The following ZFY variants were observed in gnomAD, a reference collection of about 807,000 sequenced individuals.
The protein encoded by ZFY is zinc finger protein Y-linked, also known as zinc finger Y-chromosomal protein.
For synonymous variants in ZFY, 47 were observed against 55.8 expected (o/e 0.84, Z 0.71); for missense variants, 113 against 170.9 (o/e 0.66, Z 1.89).
At chrY:2,974,078 ATAT>A (rs2051357207) in intron 3 of ZFY, among the ~76,000 whole-genome samples, 1 of 31,504 alleles carries the variant, frequency 3.2e-5, no homozygotes, top group African/African-American at 1.3e-4. Context: ...ATTAGAACTC[ATAT>A]ATATGTTTTG....
In ZFY at chrY:2,957,564, A is replaced by AT. The variant is rs2051296585; in HGVS notation, c.62-3500dup. 2.6e-4 allele frequency among the ~76,000 whole-genome samples: 8 copies of AT among 31,219 alleles called. No individual in the cohort carries two copies. In the East Asian group the frequency reaches 4.9e-3, roughly 19 times the overall value. The allele number at this position is 31,219 out of a possible 37,273, so 83.8% of individuals were successfully genotyped here. ...CTAAGCTTTTCATTCTGTAAAAATA[A>AT]TTTTTTTTTTCATTTTCCTAAGAGC... On this transcript the variant is annotated intron_variant, in intron 2 of 7. Transcript: ENST00000155093.
chrY:2,963,499 G>T, intron 3 of ZFY, among the ~76,000 whole-genome samples: 2 of 33,448 alleles, frequency 6.0e-5, no homozygotes, highest in African/African-American at 2.3e-4. Context: ...TCAAACCTGT[G>T]CATATTTGGT....
intron 3 of ZFY, among the ~76,000 whole-genome samples, chrY:2,962,391 G>T: frequency 4.8e-4 from 16 of 33,429 alleles, no homozygotes; most frequent in Admixed American, 4.4e-3. Flanking sequence ...CGTTAATATG[G>T]TTACAACTTA....
chrY:2,947,600 A>G (rs2051266104), intron 1 of ZFY, among the ~76,000 whole-genome samples: 1 of 33,512 alleles, frequency 3.0e-5, no homozygotes, highest in Non-Finnish European at 7.4e-5. Context: ...CCAGTTTTTT[A>G]TACATATATT....
At chrY:2,957,304 A>G (rs2051296017) in intron 2 of ZFY, among the ~76,000 whole-genome samples, 1 of 31,862 alleles carries the variant, frequency 3.1e-5, no homozygotes, top group Non-Finnish European at 7.6e-5. Context: ...GAGTAGCTGG[A>G]ACTACAGGCA....
intron 1 of ZFY, among the ~76,000 whole-genome samples, chrY:2,950,646 G>A (rs950822023): frequency 1.5e-4 from 5 of 33,689 alleles, no homozygotes; most frequent in African/African-American, 5.8e-4. Context: ...AGTTTTCGCC[G>A]TGATAAAATA....
At chrY:2,944,621 A>G (rs2051255893) in intron 1 of ZFY, among the ~76,000 whole-genome samples, 3 of 31,038 alleles carry the variant, frequency 9.7e-5, no homozygotes, top group Non-Finnish European at 2.3e-4. Context: ...TGTTAAACTC[A>G]CGTAATGAGG....
chrY:2,944,114 A>G (rs1040040104), intron 1 of ZFY, among the ~76,000 whole-genome samples: 5 of 33,669 alleles, frequency 1.5e-4, no homozygotes, highest in Non-Finnish European at 2.9e-4. Context: ...TTAGTGGTAT[A>G]TAAAGGCTCA....
chrY:2,956,145 T>G, intron 2 of ZFY, among the ~76,000 whole-genome samples: 1 of 32,372 alleles, frequency 3.1e-5, no homozygotes, highest in African/African-American at 1.2e-4. Context: ...AATCTTTTGT[T>G]TTTTCTGAGG....
intron 1 of ZFY, among the ~76,000 whole-genome samples, chrY:2,943,550 G>C: frequency 3.0e-5 from 1 of 33,851 alleles, no homozygotes; most frequent in Admixed American, 2.7e-4. Flanking sequence ...CCTCTCAAAG[G>C]CTCAGCCGGG....
At chrY:2,966,219 T>C (rs2051327214) in intron 3 of ZFY, among the ~76,000 whole-genome samples, 2 of 33,298 alleles carry the variant, frequency 6.0e-5, no homozygotes, top group African/African-American at 2.3e-4. Flanking sequence ...TATAAATCAG[T>C]TATATTACAT....
At chrY:2,968,209 AC>A (rs1201409383) in intron 3 of ZFY, among the ~76,000 whole-genome samples, 1 of 33,524 alleles carries the variant, frequency 3.0e-5, no homozygotes. Context: ...ATTGGAGTAA[AC>A]ATTTATACAA....
intron 3 of ZFY, among the ~76,000 whole-genome samples, chrY:2,962,836 G>A (rs2051315479): frequency 6.1e-5 from 2 of 33,003 alleles, no homozygotes; most frequent in Non-Finnish European, 1.5e-4. Context: ...ATAACCTGGT[G>A]TGCCCAAAAA....
chrY:2,936,003 C>T, intron 1 of ZFY, among the ~76,000 whole-genome samples: 1 of 34,631 alleles, frequency 2.9e-5, no homozygotes, highest in African/African-American at 1.1e-4. Context: ...GCGCAGCCTC[C>T]GGCGCGACGG....
At chrY:2,938,416 A>G (rs756150171) in intron 1 of ZFY, among the ~76,000 whole-genome samples, 13 of 29,398 alleles carry the variant, frequency 4.4e-4, no homozygotes, top group African/African-American at 1.5e-3. Flanking sequence ...TGTAAAGAAG[A>G]TAGAACTGTA....
intron 5 of ZFY, 24 bp downstream of exon 5, chrY:2,975,678 T>G (rs747355097): frequency 2.7e-6 from 1 of 370,135 alleles, no homozygotes; most frequent in South Asian, 3.2e-5. Context: ...TAAAAAAAAA[T>G]TTTTACTTTA....
chrY:2,937,284 C>T, intron 1 of ZFY, among the ~76,000 whole-genome samples: 1 of 31,269 alleles, frequency 3.2e-5, no homozygotes, highest in Non-Finnish European at 7.7e-5. Context: ...GTGCGCGGAT[C>T]ACCCGAGGTC....
intron 3 of ZFY, among the ~76,000 whole-genome samples, chrY:2,968,686 A>G: frequency 2.1e-4 from 7 of 32,749 alleles, no homozygotes; most frequent in Non-Finnish European, 4.5e-4. Flanking sequence ...TTTTTATCGT[A>G]TTTTTCTTAG....
intron 1 of ZFY, among the ~76,000 whole-genome samples, chrY:2,942,576 C>CT (rs2051248375): frequency 1.6e-4 from 4 of 25,529 alleles, no homozygotes; most frequent in South Asian, 9.1e-4. Flanking sequence ...GTAAATTTTT[C>CT]TTTTTTTTTT....
Sources: allele counts gnomAD v4.1 joint callset (sites outside exome capture counted in the v4.1 genomes callset), GRCh38; gene constraint gnomAD v4.1.1; transcripts MANE v1.5; gene names NCBI Gene and HGNC (gene_info 2026-07-23, HGNC 2026-07-21).